PTCHD4: variants seen among roughly 807,000 people sequenced by gnomAD.
The protein encoded by PTCHD4 is patched domain containing 4.
Under a neutral mutation model 58.1 loss-of-function variants are expected in PTCHD4, and 33 were observed. The observed-to-expected ratio is 0.57, with a 90% CI of 0.43 to 0.76. The LOEUF is 0.76. Ranked by LOEUF, PTCHD4 falls within the 30% of genes least tolerant of loss-of-function variation. The pLI is 0.00. For synonymous variants in PTCHD4, 478 were observed against 409.6 expected (o/e 1.17, Z -2.02); for missense variants, 1,058 against 1,027.1 (o/e 1.03, Z -0.41).
At chr6:47,945,921 A>G (rs1371963228) in intron 4 of PTCHD4, among the ~76,000 whole-genome samples, 2 of 151,766 alleles carry the variant, frequency 1.3e-5, no homozygotes, top group Middle Eastern at 3.3e-3. Flanking sequence ...TGTTTTCTTA[A>G]GTAGTATTTT....
chr6:47,944,285 A>C (rs944738626), intron 4 of PTCHD4, among the ~76,000 whole-genome samples: 3 of 152,140 alleles, frequency 2.0e-5, no homozygotes, highest in Admixed American at 2.0e-4. Flanking sequence ...CTTATTTTTC[A>C]TAAGTAAGGA....
rs773938304 is a variant in PTCHD4, at chr6:47,865,099, T to C, written c.*13204A>G. Among the ~76,000 whole-genome samples, 6 of 151,868 alleles carry C rather than the reference T, an allele frequency of 4.0e-5. No individual in the cohort carries two copies. The highest frequency in any genetic ancestry group is 8.8e-5 in the Non-Finnish European group (6 of 67,892). ...GAATTATTTGCTAATTAAATTGATG[T>C]TTATATATGTAGATTAATCTAGATA... On this transcript the variant is annotated 3_prime_UTR_variant, in exon 5 of 5. Coordinates refer to ENST00000339488, the MANE Select transcript of PTCHD4 (RefSeq NM_001384253.1).
At chr6:48,014,144 G>A (rs1053781387) in intron 3 of PTCHD4, among the ~76,000 whole-genome samples, 5 of 151,964 alleles carry the variant, frequency 3.3e-5, no homozygotes, top group Non-Finnish European at 7.4e-5. Context: ...CTATGCATCA[G>A]AACAAAATAA....
rs1350939352 is a variant in PTCHD4 at position 47,877,703 on chromosome 6, C to T, written c.*600G>A. Among the ~76,000 whole-genome samples the T allele has an allele frequency of 2.6e-5, 4 of 151,954 alleles. No homozygotes were observed. The East Asian group carries it at 7.7e-4, about 29-fold the overall frequency. ...ATTTGACTTTCTAGGGAAAAGCCAGCCTATCTTCAAATGGACAGCTCCCTC... is the reference window on the plus strand; with the variant it reads ...ATTTGACTTTCTAGGGAAAAGCCAGTCTATCTTCAAATGGACAGCTCCCTC... On this transcript the variant is annotated 3_prime_UTR_variant, in exon 5 of 5. Transcript: ENST00000339488.
chr6:47,996,128 G>A (rs929729612), intron 4 of PTCHD4, among the ~76,000 whole-genome samples: 5 of 151,602 alleles, frequency 3.3e-5, no homozygotes, highest in African/African-American at 9.7e-5. Context: ...AAATCTTTAC[G>A]GAAACTTGTC....
chr6:47,900,013 T>C (rs1404369737), intron 4 of PTCHD4: 1 of 152,228 alleles, frequency 6.6e-6, no homozygotes, highest in East Asian at 1.9e-4. Context: ...CATATACCAC[T>C]TTTTATGTTT....
At chr6:47,912,688 A>G (rs188833587) in intron 4 of PTCHD4, among the ~76,000 whole-genome samples, 5 of 152,278 alleles carry the variant, frequency 3.3e-5, no homozygotes, top group African/African-American at 1.2e-4. Context: ...GAACTGTAAC[A>G]ATAGTAGGGA....
chr6:47,935,409 T>C (rs531209907), intron 4 of PTCHD4, among the ~76,000 whole-genome samples: 3 of 152,302 alleles, frequency 2.0e-5, no homozygotes, highest in African/African-American at 7.2e-5. Flanking sequence ...TGTTCAGATG[T>C]CTGCAAGAAT....
At chr6:47,970,260 A>T (rs111343965) in intron 4 of PTCHD4, among the ~76,000 whole-genome samples, 49 of 152,332 alleles carry the variant, frequency 3.2e-4, no homozygotes, top group Admixed American at 1.3e-3. Context: ...CTTTCAAAAA[A>T]ATATAAACGT....
At position 47,860,760 on chromosome 6, in the gene PTCHD4, T is replaced by C. The variant is rs763968738; in HGVS notation, c.*17543A>G. On this transcript the variant is annotated 3_prime_UTR_variant, in exon 5 of 5. Transcript: ENST00000339488. ...GAGGGTTAAAAACCCACTAGTCTAC[T>C]AGTTTATTTCACTCATTGCTTGGGA... Among the ~76,000 whole-genome samples the C allele has an allele frequency of 6.6e-6, 1 of 152,006 alleles. No homozygotes were observed. Among genetic ancestry groups the C allele is most frequent in the Non-Finnish European group, 1.5e-5 (1 of 67,940 alleles).
At chr6:47,916,386 A>G (rs1765244198) in intron 4 of PTCHD4, among the ~76,000 whole-genome samples, 2 of 151,946 alleles carry the variant, frequency 1.3e-5, no homozygotes, top group South Asian at 4.2e-4. Flanking sequence ...TCCTCAGCAA[A>G]CCACCCCCAT....
At chr6:47,946,194 A>C (rs1339186408) in intron 4 of PTCHD4, among the ~76,000 whole-genome samples, 1 of 152,120 alleles carries the variant, frequency 6.6e-6, no homozygotes, top group African/African-American at 2.4e-5. Context: ...CTCTCAGTGC[A>C]TGATTCCTAG....
intron 1 of PTCHD4, among the ~76,000 whole-genome samples, chr6:48,098,395 G>C (rs1225509516): frequency 7.0e-6 from 1 of 142,024 alleles, no homozygotes; most frequent in Non-Finnish European, 1.5e-5. Context: ...CTGGAGTGCA[G>C]TGGCAGGATC....
At chr6:47,909,308 T>A (rs1429679607) in intron 4 of PTCHD4, among the ~76,000 whole-genome samples, 1 of 152,110 alleles carries the variant, frequency 6.6e-6, no homozygotes, top group South Asian at 2.1e-4. Flanking sequence ...TTTCTTCATA[T>A]GATATGATGT....
chr6:47,898,071 A>G (rs1440992135), intron 4 of PTCHD4, among the ~76,000 whole-genome samples: 1 of 149,054 alleles, frequency 6.7e-6, no homozygotes, highest in African/African-American at 2.5e-5. Context: ...CAGCCTCCCG[A>G]GTAGCTGGGA....
At chr6:48,088,491 T>C (rs1055941477) in intron 1 of PTCHD4, among the ~76,000 whole-genome samples, 4 of 152,116 alleles carry the variant, frequency 2.6e-5, no homozygotes, top group African/African-American at 9.6e-5. Context: ...ACAAAAGCTG[T>C]GCATAAAATG....
intron 1 of PTCHD4, among the ~76,000 whole-genome samples, chr6:48,088,124 C>T (rs1415745982): frequency 6.6e-6 from 1 of 152,088 alleles, no homozygotes; most frequent in African/African-American, 2.4e-5. Context: ...AGATTCCTTG[C>T]CATTTCCCAT....
chr6:47,947,643 T>C (rs995989219), intron 4 of PTCHD4, among the ~76,000 whole-genome samples: 5 of 152,278 alleles, frequency 3.3e-5, no homozygotes, highest in South Asian at 2.1e-4. Context: ...TGTTGAAATA[T>C]CACTTTAAAT....
chr6:47,973,559 C>T (rs1426504110), intron 4 of PTCHD4, among the ~76,000 whole-genome samples: 3 of 152,158 alleles, frequency 2.0e-5, no homozygotes, highest in Non-Finnish European at 2.9e-5. Context: ...GCATTTACCT[C>T]GTAGTTGCTG....
Sources: allele counts gnomAD v4.1 joint callset (sites outside exome capture counted in the v4.1 genomes callset), GRCh38; gene constraint gnomAD v4.1.1; transcripts MANE v1.5; gene names NCBI Gene and HGNC (gene_info 2026-07-23, HGNC 2026-07-21).